The following CNTN4 variants were observed in gnomAD, a reference collection of about 807,000 sequenced individuals.
CNTN4 encodes the protein contactin 4, also known as contactin-4.
Under a neutral mutation model 122.5 loss-of-function variants are expected in CNTN4, and 77 were observed. That is an observed-to-expected ratio of 0.63 (90% CI 0.52 to 0.76). The LOEUF (loss-of-function observed/expected upper bound fraction) is 0.76, where lower values mean the gene tolerates loss of function less well. Among genes scored for constraint, CNTN4 ranks in the 30% least tolerant of loss-of-function variants. CNTN4 has a pLI of 0.00. For synonymous variants in CNTN4, 512 were observed against 447.0 expected (o/e 1.15, Z -1.83); for missense variants, 1,256 against 1,259.1 (o/e 1.00, Z 0.04).
At chr3:3,038,797 C>T in intron 18 of CNTN4, 136 bp from the exon 19 acceptor site, 4 of 678,708 alleles carry the variant, frequency 5.9e-6, no homozygotes, top group South Asian at 1.7e-5. Context: ...CTTGACAATG[C>T]TGTTGCTGAT....
chr3:2,825,313 C>G (rs970285085), intron 7 of CNTN4, among the ~76,000 whole-genome samples: 4 of 152,092 alleles, frequency 2.6e-5, no homozygotes, highest in African/African-American at 7.2e-5. Flanking sequence ...GCAACCTCCG[C>G]CTCCCAGTTC....
intron 4 of CNTN4, among the ~76,000 whole-genome samples, chr3:2,735,335 A>G (rs1338974022): frequency 6.6e-6 from 1 of 152,234 alleles, no homozygotes; most frequent in Non-Finnish European, 1.5e-5. Context: ...TGCATAGTCT[A>G]GAAGCATGTG....
At chr3:2,223,278 C>T (rs184301202) in intron 2 of CNTN4, among the ~76,000 whole-genome samples, 8 of 152,252 alleles carry the variant, frequency 5.3e-5, no homozygotes, top group Non-Finnish European at 1.0e-4. Context: ...GTGGTGGTAA[C>T]CAGTTTAATA....
At chr3:2,626,031 A>G (rs1016593718) in intron 4 of CNTN4, among the ~76,000 whole-genome samples, 3 of 152,178 alleles carry the variant, frequency 2.0e-5, no homozygotes, top group Admixed American at 2.0e-4. Context: ...TTAATTTGCA[A>G]TTAGACGTCT....
At chr3:2,784,845 A>G (rs911956466) in intron 6 of CNTN4, among the ~76,000 whole-genome samples, 5 of 152,200 alleles carry the variant, frequency 3.3e-5, no homozygotes, top group African/African-American at 1.2e-4. Flanking sequence ...TGGCTCATAG[A>G]AGGTATTCAA....
intron 13 of CNTN4, among the ~76,000 whole-genome samples, chr3:2,965,404 A>T (rs1039581087): frequency 6.6e-6 from 1 of 152,216 alleles, no homozygotes; most frequent in African/African-American, 2.4e-5. Flanking sequence ...GTCTGTGCTA[A>T]TGCAATACAG....
intron 3 of CNTN4, among the ~76,000 whole-genome samples, chr3:2,518,608 C>A (rs779362434): frequency 6.6e-6 from 1 of 151,918 alleles, no homozygotes; most frequent in Non-Finnish European, 1.5e-5. Flanking sequence ...TCTCAGAGTA[C>A]TCAGGAATTT....
At chr3:2,168,326 C>G (rs1335367248) in intron 2 of CNTN4, among the ~76,000 whole-genome samples, 2 of 151,950 alleles carry the variant, frequency 1.3e-5, no homozygotes, top group East Asian at 1.9e-4. Flanking sequence ...AAAATATGAG[C>G]TACTTGGAAA....
intron 3 of CNTN4, among the ~76,000 whole-genome samples, chr3:2,509,656 A>T (rs2076828931): frequency 6.6e-6 from 1 of 152,186 alleles, no homozygotes; most frequent in Non-Finnish European, 1.5e-5. Flanking sequence ...TTTTCTAGCT[A>T]TTGAGTAAGG....
intron 4 of CNTN4, among the ~76,000 whole-genome samples, chr3:2,599,624 C>T (rs955345616): frequency 7.9e-5 from 12 of 152,178 alleles, no homozygotes; most frequent in Non-Finnish European, 1.2e-4. Context: ...TGTATTACGG[C>T]TATCTTTTGT....
At chr3:2,791,686 A>G (rs1011269422) in intron 6 of CNTN4, among the ~76,000 whole-genome samples, 2 of 152,220 alleles carry the variant, frequency 1.3e-5, no homozygotes, top group African/African-American at 4.8e-5. Flanking sequence ...CTTGAAACAA[A>G]AGAAATGTGT....
intron 4 of CNTN4, among the ~76,000 whole-genome samples, chr3:2,623,063 C>T (rs2082049554): frequency 6.6e-6 from 1 of 152,178 alleles, no homozygotes. Context: ...GTTGTGGGGG[C>T]ATATTTACTC....
intron 2 of CNTN4, among the ~76,000 whole-genome samples, chr3:2,147,565 A>C (rs541130935): frequency 7.9e-5 from 12 of 151,776 alleles, no homozygotes; most frequent in Non-Finnish European, 1.0e-4. Context: ...CCCGTCCTCC[A>C]CTCTTTAACC....
chr3:2,781,057 A>G (rs1245962889), intron 6 of CNTN4, among the ~76,000 whole-genome samples: 1 of 152,228 alleles, frequency 6.6e-6, no homozygotes. Context: ...AAATGGGAAA[A>G]ATAAAAAGAA....
chr3:2,639,223 A>G (rs1394950236), intron 4 of CNTN4, among the ~76,000 whole-genome samples: 1 of 151,952 alleles, frequency 6.6e-6, no homozygotes, highest in African/African-American at 2.4e-5. Context: ...ATCCCTCCTC[A>G]ACTATCTAAC....
intron 7 of CNTN4, among the ~76,000 whole-genome samples, chr3:2,835,006 A>G (rs755019421): frequency 2.9e-4 from 41 of 142,736 alleles, no homozygotes; most frequent in African/African-American, 8.8e-4. Context: ...CCGGGTTCAC[A>G]CCATTCTCCT....
At chr3:2,937,886 C>T (rs1255904877) in intron 13 of CNTN4, among the ~76,000 whole-genome samples, 2 of 151,952 alleles carry the variant, frequency 1.3e-5, no homozygotes, top group Non-Finnish European at 2.9e-5. Flanking sequence ...AGCCCATGTA[C>T]GTGCAGCAAG....
At position 3,030,907 on chromosome 3, in the gene CNTN4, G is replaced by A; in HGVS notation, c.1715G>A (p.Gly572Glu). The change falls in exon 16 of 25, where the codon GGG becomes GAG. Residue 572 changes from glycine to glutamate, a missense_variant. By Grantham distance (98) the Gly-to-Glu change is moderately conservative (BLOSUM62 -2). Coordinates refer to ENST00000418658, the MANE Select transcript of CNTN4 (RefSeq NM_175607.3). ...CGAAACATCCAACTGAAGCATGCTG[G>A]GAAATATGTCTGCATGGTCCAAACA... ...MIRNIQLKHA[G>E]KYVCMVQTSV... 1.2e-6 allele frequency: 2 copies of A among 1,614,038 alleles called. No individual in the cohort carries two copies. Among genetic ancestry groups the A allele is most frequent in the Non-Finnish European group, 1.7e-6 (2 of 1,179,910 alleles).
chr3:2,381,195 A>G (rs2046007597), intron 3 of CNTN4, among the ~76,000 whole-genome samples: 2 of 151,882 alleles, frequency 1.3e-5, no homozygotes, highest in African/African-American at 4.8e-5. Context: ...TTTAGTAGAG[A>G]TGGGGTTTCA....
Sources: gnomAD v4.1 joint callset for allele counts (sites outside exome capture counted in the v4.1 genomes callset) on GRCh38, gnomAD v4.1.1 for gene constraint, MANE v1.5 for transcripts, NCBI Gene and HGNC (gene_info 2026-07-23, HGNC 2026-07-21) for gene names.